The following CSMD2 variants were observed in gnomAD, a reference collection of about 807,000 sequenced individuals.
CSMD2 encodes the protein CUB and sushi domain-containing protein 2.
Under a neutral mutation model 398.5 loss-of-function variants are expected in CSMD2, and 130 were observed. The ratio of observed to expected loss-of-function variants is 0.33; its 90% CI spans 0.28 to 0.38. The LOEUF (loss-of-function observed/expected upper bound fraction) is 0.38. CSMD2 is among the 10% of genes least tolerant of loss of function. The pLI, the probability that CSMD2 is intolerant of heterozygous loss-of-function variation, is 1.00. For synonymous variants in CSMD2, 1,828 were observed against 1,908.5 expected (o/e 0.96, Z 1.10); for missense variants, 3,829 against 4,764.9 (o/e 0.80, Z 5.78).
intron 3 of CSMD2, among the ~76,000 whole-genome samples, chr1:33,981,203 C>A (rs1167177713): frequency 6.6e-6 from 1 of 152,176 alleles, no homozygotes; most frequent in Non-Finnish European, 1.5e-5. Context: ...TCCTTACTCC[C>A]GGTTGTTTGC....
chr1:33,820,618 G>A (rs2124998736), intron 7 of CSMD2, 62 bp from the exon 8 acceptor site: 1 of 1,158,518 alleles, frequency 8.6e-7, no homozygotes, highest in Non-Finnish European at 1.3e-6. Flanking sequence ...CAGTCACAGG[G>A]AGGCACCAGC....
chr1:34,109,351 C>T (rs967573585), intron 1 of CSMD2, among the ~76,000 whole-genome samples: 1 of 152,206 alleles, frequency 6.6e-6, no homozygotes, highest in Non-Finnish European at 1.5e-5. Flanking sequence ...CTCAAATCAG[C>T]TCCCTCTGCT....
chr1:33,592,948 C>CA (rs35494833), intron 44 of CSMD2, among the ~76,000 whole-genome samples: 16,900 of 126,672 alleles, frequency 0.13, 1,138 homozygotes, highest in Admixed American at 0.21. Flanking sequence ...GACTCTGTCT[C>CA]AAAAAAAAAA....
intron 2 of CSMD2, among the ~76,000 whole-genome samples, chr1:34,047,525 C>T (rs991306841): frequency 7.2e-5 from 11 of 152,282 alleles, no homozygotes; most frequent in South Asian, 2.1e-4. Context: ...TTATTTATTA[C>T]GTCTACCTTT....
intron 6 of CSMD2, chr1:33,839,214 G>A (rs1041311563): frequency 7.2e-5 from 11 of 152,240 alleles, no homozygotes; most frequent in African/African-American, 2.7e-4. Flanking sequence ...ATTCTAGGAT[G>A]CTTGGGATTT....
rs1466496198 is a variant in CSMD2 at position 33,635,349 on chromosome 1, A to G, written c.4970-19T>C. 2.0e-6 allele frequency: 3 copies of G among 1,478,776 alleles called. No individual in the cohort carries two copies. Among genetic ancestry groups the G allele is most frequent in the Non-Finnish European group, 2.8e-6 (3 of 1,059,088 alleles). The allele number at this position is 1,478,776 out of a possible 1,614,324, so 91.6% of individuals were successfully genotyped here. A position where few individuals can be genotyped will look rare whatever the true frequency, so the allele number is the denominator to read the frequency against. On this transcript the variant is annotated intron_variant, in intron 30 of 70. Coordinates refer to ENST00000373381, the MANE Select transcript of CSMD2 (RefSeq NM_001281956.2). The surrounding 1 kb of genome is among the most constrained non-coding windows in gnomAD (Gnocchi z 5.0). ...CAGGGGGCTGAAAGAGAAACCAGAT[A>G]GAGAGTCAGGTGACCTTGTGGGCCT... is the stretch of plus-strand genomic sequence containing the variant.
At chr1:33,843,887 C>A (rs1393651174) in intron 6 of CSMD2, among the ~76,000 whole-genome samples, 1 of 152,182 alleles carries the variant, frequency 6.6e-6, no homozygotes, top group Non-Finnish European at 1.5e-5. Flanking sequence ...TGCCAAGGGG[C>A]AGACCTCTCT....
At chr1:33,816,144 C>A (rs1258606128) in intron 9 of CSMD2, among the ~76,000 whole-genome samples, 2 of 152,144 alleles carry the variant, frequency 1.3e-5, no homozygotes, top group South Asian at 2.1e-4. Flanking sequence ...AAAGTCGGAA[C>A]TTTAACTTAG....
At position 33,662,905 on chromosome 1, in the gene CSMD2, C is replaced by A. The variant is rs772454175; in HGVS notation, c.4240G>T (p.Ala1414Ser). The A allele has an allele frequency of 2.5e-6, 4 of 1,614,174 alleles. No homozygotes were observed. Among genetic ancestry groups the A allele is most frequent in the Non-Finnish European group, 3.4e-6 (4 of 1,180,030 alleles). Residue 1414 changes from alanine to serine, a missense_variant, in exon 26 of 71, where the codon GCC becomes TCC. This residue lies in a region of CSMD2 where 2,001 missense variants were observed against 2,567.1 expected (regional missense o/e 0.78). Transcript: ENST00000373381. ...ACGCACAGACCTGAAAATTGAATGGCAAAGCCCTGCTTGCTGGTGAAGAAG... is the reference window on the plus strand; with the variant it reads ...ACGCACAGACCTGAAAATTGAATGGAAAAGCCCTGCTTGCTGGTGAAGAAG... ...TDFFTSKQGF[A>S]IQFSVSTATS...
chr1:34,076,928 AAT>A lies in CSMD2; in HGVS notation c.404+12047_404+12048del, dbSNP rs1177320523. On this transcript the variant is annotated intron_variant, in intron 2 of 70. Transcript: ENST00000373381. Reference sequence around the variant, plus strand: ...GCAAAGCAAAAAAAAAAAAAAAAAAAATATATATATATATATATATATATATA... The same window carrying A: ...GCAAAGCAAAAAAAAAAAAAAAAAAAATATATATATATATATATATATATA... 7.1e-3 allele frequency among the ~76,000 whole-genome samples: 382 copies of A among 53,566 alleles called. 12 individuals are homozygous for A. The highest frequency in any genetic ancestry group is 0.045 in the Middle Eastern group (4 of 88). The allele number at this position is 53,566 out of a possible 152,430, so 35.1% of individuals were successfully genotyped here.
chr1:33,693,006 G>C lies in CSMD2; in HGVS notation c.3976C>G (p.Pro1326Ala). 6.2e-7 allele frequency: 1 copy of C among 1,604,784 alleles called. No homozygotes were observed. The highest frequency in any genetic ancestry group is 1.7e-5 in the Admixed American group (1 of 58,530). ...TGTTCATAGGGAGCTGGATACCCGG[G>C]TGACAGCACCTGCCCCGACACCTCT... ...RGEVSGQVLSPGYPAPYEHNL... is the reference protein window; with the variant it reads ...RGEVSGQVLSAGYPAPYEHNL... The change falls in exon 25 of 71, where the codon CCC (proline) becomes GCC (alanine). Residue 1326 changes from proline to alanine, a missense_variant. Transcript: ENST00000373381.
chr1:33,908,851 A>T (rs1335197045), intron 5 of CSMD2, among the ~76,000 whole-genome samples: 1 of 152,202 alleles, frequency 6.6e-6, no homozygotes, highest in Non-Finnish European at 1.5e-5. Flanking sequence ...ACTCCAAGAG[A>T]TACAGGAGAC....
At chr1:33,948,837 G>A (rs942313251) in intron 3 of CSMD2, among the ~76,000 whole-genome samples, 2 of 152,156 alleles carry the variant, frequency 1.3e-5, no homozygotes, top group African/African-American at 2.4e-5. Context: ...CCCTAGAGAC[G>A]CCTCAAGCAT....
At chr1:33,909,243 T>C (rs1326423422) in intron 5 of CSMD2, among the ~76,000 whole-genome samples, 1 of 152,066 alleles carries the variant, frequency 6.6e-6, no homozygotes, top group Non-Finnish European at 1.5e-5. Flanking sequence ...CAGGAGCAAA[T>C]AGGACATTGA....
At chr1:33,772,408 G>C in intron 13 of CSMD2, 161 bp downstream of exon 13, 2 of 606,350 alleles carry the variant, frequency 3.3e-6, no homozygotes, top group Non-Finnish European at 5.8e-6. Flanking sequence ...CAGAAATAAG[G>C]ACCCCACCAG....
At chr1:33,539,060 T>C (rs773973502) in intron 60 of CSMD2, among the ~76,000 whole-genome samples, 58 of 152,152 alleles carry the variant, frequency 3.8e-4, no homozygotes, top group Non-Finnish European at 6.9e-4. Context: ...CTCCGCCTCC[T>C]GGGTTCACGC....
intron 5 of CSMD2, among the ~76,000 whole-genome samples, chr1:33,848,940 C>T (rs1043525641): frequency 6.6e-6 from 1 of 151,412 alleles, no homozygotes; most frequent in Non-Finnish European, 1.5e-5. Flanking sequence ...CTCTTTATTG[C>T]AAAATGGAAT....
chr1:34,030,934 G>A (rs1650331722), intron 3 of CSMD2, among the ~76,000 whole-genome samples: 1 of 152,176 alleles, frequency 6.6e-6, no homozygotes, highest in Non-Finnish European at 1.5e-5. Context: ...ATTGTGGAAG[G>A]AGCTAATGGC....
chr1:34,023,132 G>C (rs867205808), intron 3 of CSMD2, among the ~76,000 whole-genome samples: 1 of 152,268 alleles, frequency 6.6e-6, no homozygotes, highest in Admixed American at 6.5e-5. Flanking sequence ...CACCACACTC[G>C]AAGGATTTAA....
Sources: allele counts gnomAD v4.1 joint callset (sites outside exome capture counted in the v4.1 genomes callset), GRCh38; gene constraint gnomAD v4.1.1; regional missense constraint gnomAD v4.1.1; non-coding constraint Gnocchi (gnomAD v3.1); transcripts MANE v1.5; gene names NCBI Gene and HGNC (gene_info 2026-07-23, HGNC 2026-07-21).